VTI1A: variants seen among roughly 807,000 people sequenced by gnomAD.
VTI1A encodes the protein vesicle transport through interaction with t-SNAREs 1A, also known as vesicle transport through interaction with t-SNAREs homolog 1A.
VTI1A carries 22 observed loss-of-function variants against 34.9 expected under a neutral mutation model. That is an observed-to-expected ratio of 0.63 (90% CI 0.45 to 0.90). The LOEUF is 0.90. Among genes scored for constraint, VTI1A ranks in the 40% least tolerant of loss-of-function variants. The pLI, the probability that VTI1A is intolerant of heterozygous loss-of-function variation, is 0.00. For missense variants in VTI1A, 268 were observed against 275.6 expected (o/e 0.97, Z 0.20); for synonymous variants, 87 against 97.3 (o/e 0.89, Z 0.62).
intron 5 of VTI1A, among the ~76,000 whole-genome samples, chr10:112,632,211 C>A (rs1390270749): frequency 6.6e-6 from 1 of 152,172 alleles, no homozygotes; most frequent in African/African-American, 2.4e-5. Flanking sequence ...TTACAACACT[C>A]CCTGATCCTG....
chr10:112,483,645 G>A (rs899324853), intron 3 of VTI1A, among the ~76,000 whole-genome samples: 1 of 152,030 alleles, frequency 6.6e-6, no homozygotes, highest in Non-Finnish European at 1.5e-5. Flanking sequence ...CCCACTAAAT[G>A]CTAGCAGACT....
At chr10:112,830,849 A>ATATATATATATATATTTT in the VTI1A span, among the ~76,000 whole-genome samples, 76 of 33,472 alleles carry the variant, frequency 2.3e-3, no homozygotes, top group Admixed American at 5.7e-3. Flanking sequence ...ATATATATAT[A>ATATATATATATATATTTT]TTTTTTTTTT....
intron 7 of VTI1A, among the ~76,000 whole-genome samples, chr10:112,764,821 T>C (rs1393559904): frequency 6.6e-6 from 1 of 152,228 alleles, no homozygotes; most frequent in African/African-American, 2.4e-5. Context: ...TCTGTATTAG[T>C]GAATATTTGC....
intron 7 of VTI1A, among the ~76,000 whole-genome samples, chr10:112,697,866 ATGTGTGTGTGTGTGTGTG>A (rs67142519): frequency 2.2e-5 from 3 of 134,824 alleles, no homozygotes; most frequent in South Asian, 2.4e-4. Flanking sequence ...TAGCATTTAC[ATGTGTGTGTGTGTGTGTG>A]TGTGTGTGTG....
chr10:112,852,499 C>A, the VTI1A span, among the ~76,000 whole-genome samples: 1 of 152,198 alleles, frequency 6.6e-6, no homozygotes, highest in Admixed American at 6.5e-5. Flanking sequence ...CATCATGGGG[C>A]CCACTAAAGA....
intron 5 of VTI1A, among the ~76,000 whole-genome samples, chr10:112,613,969 C>T (rs998826923): frequency 2.6e-5 from 4 of 152,004 alleles, no homozygotes; most frequent in Non-Finnish European, 5.9e-5. Context: ...CCTTTTTTTT[C>T]GTCCATTTTT....
At chr10:112,763,297 G>A (rs1334151355) in intron 7 of VTI1A, among the ~76,000 whole-genome samples, 6 of 151,976 alleles carry the variant, frequency 3.9e-5, no homozygotes, top group African/African-American at 1.2e-4. Flanking sequence ...AAAATTAGCC[G>A]GGCATGGTGG....
chr10:112,606,835 A>G (rs1005853986), intron 5 of VTI1A, among the ~76,000 whole-genome samples: 3 of 152,186 alleles, frequency 2.0e-5, no homozygotes, highest in African/African-American at 7.2e-5. Context: ...AGTTTTCACA[A>G]TCAAATTAGC....
intron 5 of VTI1A, among the ~76,000 whole-genome samples, chr10:112,653,641 A>G (rs908224822): frequency 6.6e-6 from 1 of 152,370 alleles, no homozygotes; most frequent in South Asian, 2.1e-4. Context: ...GGTATCCATT[A>G]AGTGCTTAGC....
intron 5 of VTI1A, among the ~76,000 whole-genome samples, chr10:112,581,565 A>G (rs1032180254): frequency 6.6e-6 from 1 of 152,232 alleles, no homozygotes; most frequent in African/African-American, 2.4e-5. Context: ...AAATCCTTAT[A>G]CAATGCAAGG....
At chr10:112,677,764 C>G (rs1848080931) in intron 7 of VTI1A, 1 of 152,210 alleles carries the variant, frequency 6.6e-6, no homozygotes, top group Admixed American at 6.5e-5. Context: ...CAGTTGATAA[C>G]GTGGTTACTG....
chr10:112,642,977 C>CTTTTTTTTTTTTTTTTTTTTTTTT (rs58619611), intron 5 of VTI1A, among the ~76,000 whole-genome samples: 4 of 121,014 alleles, frequency 3.3e-5, no homozygotes, highest in African/African-American at 6.3e-5. Flanking sequence ...TTTTTCTTTT[C>CTTTTTTTTTTTTTTTTTTTTTTTT]TTTTTTTTTT....
At chr10:112,802,250 A>G (rs1340409056) in intron 7 of VTI1A, among the ~76,000 whole-genome samples, 1 of 152,232 alleles carries the variant, frequency 6.6e-6, no homozygotes, top group Non-Finnish European at 1.5e-5. Flanking sequence ...AAAAATAAAC[A>G]TATAAATAAG....
intron 6 of VTI1A, 77 bp downstream of exon 6, chr10:112,668,365 T>C (rs1847722796): frequency 1.4e-6 from 2 of 1,441,808 alleles, no homozygotes; most frequent in African/African-American, 1.4e-5. Flanking sequence ...ACATAAACAA[T>C]AGCAATTAGG....
intron 7 of VTI1A, among the ~76,000 whole-genome samples, chr10:112,726,698 A>G (rs1564901172): frequency 6.6e-6 from 1 of 152,254 alleles, no homozygotes; most frequent in Non-Finnish European, 1.5e-5. Flanking sequence ...AAAAATGTAC[A>G]TATACACAAA....
intron 1 of VTI1A, among the ~76,000 whole-genome samples, chr10:112,453,964 A>G (rs1847336356): frequency 1.3e-5 from 2 of 152,236 alleles, no homozygotes; most frequent in South Asian, 2.1e-4. Flanking sequence ...ATTTGTATAT[A>G]TAGTATGTTA....
intron 5 of VTI1A, among the ~76,000 whole-genome samples, chr10:112,652,126 A>G (rs955225448): frequency 1.3e-5 from 2 of 152,238 alleles, no homozygotes; most frequent in Non-Finnish European, 2.9e-5. Flanking sequence ...AAGACAATGT[A>G]AAGGGATGGA....
intron 5 of VTI1A, among the ~76,000 whole-genome samples, chr10:112,659,871 T>C (rs1023594826): frequency 2.0e-5 from 3 of 152,234 alleles, no homozygotes; most frequent in Admixed American, 6.5e-5. Context: ...ACATAGTAAA[T>C]GCTAATGTCC....
chr10:112,603,637 T>C (rs1244333976), intron 5 of VTI1A, among the ~76,000 whole-genome samples: 2 of 152,130 alleles, frequency 1.3e-5, no homozygotes, highest in African/African-American at 4.8e-5. Flanking sequence ...CCTAGGAATT[T>C]CCAAAATTTC....
Sources: allele counts gnomAD v4.1 joint callset (sites outside exome capture counted in the v4.1 genomes callset), GRCh38; gene constraint gnomAD v4.1.1; transcripts MANE v1.5; gene names NCBI Gene and HGNC (gene_info 2026-07-23, HGNC 2026-07-21).